Variants in TRIM66 observed in about 807,000 individuals in gnomAD.
The protein encoded by TRIM66 is tripartite motif containing 66.
Under a neutral mutation model 148.2 loss-of-function variants are expected in TRIM66, and 99 were observed. The ratio of observed to expected loss-of-function variants is 0.67; its 90% CI spans 0.57 to 0.79. The LOEUF is 0.79. Ranked by LOEUF, TRIM66 falls within the 30% of genes least tolerant of loss-of-function variation. The probability of loss-of-function intolerance (pLI) is 0.00; values close to 1 mark genes in which losing one functional copy is unlikely to be tolerated. For missense variants in TRIM66, 1,666 were observed against 1,697.9 expected, an observed-to-expected ratio of 0.98 and a Z score of 0.33; for synonymous variants, 616 against 635.9, an observed-to-expected ratio of 0.97 and a Z score of 0.47.
At chr11:8,662,425 G>C (rs927876242) in intron 6 of TRIM66, among the ~76,000 whole-genome samples, 1 of 152,168 alleles carries the variant, frequency 6.6e-6, no homozygotes, top group Non-Finnish European at 1.5e-5. Context: ...CCTGCCCACC[G>C]AGGGACCGTG....
intron 19 of TRIM66, 80 bp from the exon 20 acceptor site, chr11:8,621,401 C>T (rs1362323873): frequency 2.7e-6 from 4 of 1,466,540 alleles, no homozygotes; most frequent in Admixed American, 2.3e-5. Flanking sequence ...GACTGGCAGG[C>T]CCTGCATGCC....
chr11:8,625,255 G>C (rs2034709424), intron 15 of TRIM66, 27 bp from the exon 16 acceptor site: 2 of 1,468,168 alleles, frequency 1.4e-6, no homozygotes, highest in African/African-American at 2.8e-5. Context: ...AAGGGGTAGA[G>C]TCAGGCTGCT....
At chr11:8,632,725 T>G (rs2035529908) in intron 15 of TRIM66, among the ~76,000 whole-genome samples, 1 of 152,166 alleles carries the variant, frequency 6.6e-6, no homozygotes, top group African/African-American at 2.4e-5. Context: ...CCTTCCAAAG[T>G]GTGGGATTAC....
chr11:8,635,348 A>C (rs1310592429), intron 15 of TRIM66, among the ~76,000 whole-genome samples: 2 of 152,210 alleles, frequency 1.3e-5, no homozygotes, highest in Admixed American at 1.3e-4. Context: ...AAAACCTATG[A>C]AAAAATTAGA....
At chr11:8,642,758 T>C (rs1029450078) in intron 13 of TRIM66, among the ~76,000 whole-genome samples, 4 of 142,088 alleles carry the variant, frequency 2.8e-5, no homozygotes, top group South Asian at 2.2e-4. Context: ...TTACACAGAA[T>C]GGTAAACTCA....
In TRIM66 at chr11:8,619,135, T is replaced by C. The variant is rs1451620306; in HGVS notation, c.3901-167A>G. ...AGGAAAACTAGTTTGGTAGCAGCTC[T>C]TATAGCAGAAGTGACCCCAACAGGT... On this transcript the variant is annotated intron_variant, in intron 23 of 24. Transcript: ENST00000646038. 5.4e-6 allele frequency: 4 copies of C among 747,324 alleles called. No individual in the cohort carries two copies. The East Asian group carries it at 8.1e-5, about 15-fold the overall frequency. 46.3% of individuals were successfully genotyped at this position (747,324 alleles called of 1,614,324 possible).
intron 6 of TRIM66, among the ~76,000 whole-genome samples, chr11:8,665,267 A>G (rs1384554773): frequency 6.6e-6 from 1 of 152,208 alleles, no homozygotes; most frequent in Non-Finnish European, 1.5e-5. Flanking sequence ...ATCTAAGTTC[A>G]GGTATTAGGT....
chr11:8,670,304 A>T (rs2038863010), intron 6 of TRIM66, among the ~76,000 whole-genome samples: 1 of 152,046 alleles, frequency 6.6e-6, no homozygotes, highest in African/African-American at 2.4e-5. Flanking sequence ...GAGCCACTGC[A>T]CCAGGCCTGA....
chr11:8,619,214 G>A (rs1042642930), intron 23 of TRIM66, 169 bp downstream of exon 23: 1 of 836,374 alleles, frequency 1.2e-6, no homozygotes, highest in African/African-American at 1.7e-5. Context: ...TCCATGCTAA[G>A]GCCTGAGTGT....
chr11:8,632,705 C>T (rs142124144), intron 15 of TRIM66, among the ~76,000 whole-genome samples: 113 of 152,264 alleles, frequency 7.4e-4, no homozygotes, highest in African/African-American at 2.5e-3. Context: ...CAGTGACCCA[C>T]TTGCCTCGGC....
intron 6 of TRIM66, among the ~76,000 whole-genome samples, chr11:8,669,781 G>A (rs1329760152): frequency 6.6e-6 from 1 of 152,178 alleles, no homozygotes; most frequent in African/African-American, 2.4e-5. Flanking sequence ...TTAAGCCTGA[G>A]GGACTAACAG....
At chr11:8,680,336 C>G (rs539415845) in intron 1 of TRIM66, among the ~76,000 whole-genome samples, 14 of 152,262 alleles carry the variant, frequency 9.2e-5, no homozygotes, top group African/African-American at 3.4e-4. Context: ...TTTCGGAATA[C>G]TAACGTGGTG....
chr11:8,672,937 C>A (rs374330021), intron 4 of TRIM66, among the ~76,000 whole-genome samples: 88 of 111,800 alleles, frequency 7.9e-4, no homozygotes, highest in South Asian at 1.3e-3. Context: ...GGCCCATACT[C>A]TTTTTTTTTT....
chr11:8,628,830 A>T (rs2035123257), intron 15 of TRIM66, among the ~76,000 whole-genome samples: 1 of 149,492 alleles, frequency 6.7e-6, no homozygotes, highest in African/African-American at 2.5e-5. Context: ...TTCTTTTATC[A>T]TCTCTTTCTC....
At position 8,640,294 on chromosome 11, in the gene TRIM66, C is replaced by A. The variant is rs779646802; in HGVS notation, c.2081G>T (p.Gly694Val). ...SPQHLQQTIV[G>V]QINYIVRQPA... Reference sequence around the variant, plus strand: ...CTGCCTCACGATGTAGTTGATCTGCCCCACAATGGTTTGCTGAAGATGCTG... The same window carrying A: ...CTGCCTCACGATGTAGTTGATCTGCACCACAATGGTTTGCTGAAGATGCTG... The change falls in exon 14 of 25, where the codon GGG becomes GTG. Residue 694 changes from glycine (G) to valine (V), a missense_variant. Physicochemically the swap from Gly to Val is moderately radical, Grantham distance 109 (BLOSUM62 -3). Around this residue, in one of 3 missense-constraint regions of TRIM66, gnomAD observed 1,431 missense variants for 1,412.4 expected, o/e 1.01. Coordinates refer to ENST00000646038, the MANE Select transcript of TRIM66 (RefSeq NM_001388022.1). 6.4e-7 allele frequency: 1 copy of A among 1,551,532 alleles called. No homozygotes were observed. The highest frequency in any genetic ancestry group is 2.0e-5 in the Admixed American group (1 of 50,968).
intron 15 of TRIM66, among the ~76,000 whole-genome samples, chr11:8,631,567 C>T (rs1378046181): frequency 2.6e-5 from 4 of 152,154 alleles, no homozygotes; most frequent in African/African-American, 4.8e-5. Flanking sequence ...GTGATGCTTT[C>T]GGGAACTTCT....
intron 1 of TRIM66, chr11:8,680,746 C>G (rs761219915): frequency 1.1e-4 from 16 of 152,102 alleles, no homozygotes; most frequent in Non-Finnish European, 1.6e-4. Flanking sequence ...ATTGAAGCCA[C>G]CCAAGAAGAC....
intron 15 of TRIM66, among the ~76,000 whole-genome samples, chr11:8,633,297 G>A (rs535907262): frequency 2.0e-5 from 3 of 151,864 alleles, no homozygotes; most frequent in South Asian, 2.1e-4. Flanking sequence ...ACTCCAGCCT[G>A]GGCAACAAGA....
At chr11:8,637,207 C>A (rs375545754) in intron 15 of TRIM66, among the ~76,000 whole-genome samples, 72 of 152,300 alleles carry the variant, frequency 4.7e-4, no homozygotes, top group African/African-American at 1.5e-3. Flanking sequence ...GTCTCTTCCA[C>A]CAGACTGTAC....
Sources: allele counts gnomAD v4.1 joint callset (sites outside exome capture counted in the v4.1 genomes callset), GRCh38; gene constraint gnomAD v4.1.1; regional missense constraint gnomAD v4.1.1; transcripts MANE v1.5; gene names NCBI Gene and HGNC (gene_info 2026-07-23, HGNC 2026-07-21).